COL4A6: variants seen among roughly 807,000 people sequenced by gnomAD.
The protein encoded by COL4A6 is collagen type IV alpha 6 chain, also known as collagen alpha-6(IV) chain.
Under a neutral mutation model 126.7 loss-of-function variants are expected in COL4A6, and 59 were observed. That is an observed-to-expected ratio of 0.47 (90% CI 0.38 to 0.58). The LOEUF is 0.58. COL4A6 is among the 20% of genes least tolerant of loss of function. The probability of loss-of-function intolerance (pLI) is 0.00; values close to 1 mark genes in which losing one functional copy is unlikely to be tolerated. For missense variants in COL4A6, 1,285 were observed against 1,337.3 expected, an observed-to-expected ratio of 0.96 and a Z score of 0.61; for synonymous variants, 547 against 496.6, an observed-to-expected ratio of 1.10 and a Z score of -1.35.
At chrX:108,426,027 A>T (rs2064077890) in intron 2 of COL4A6, among the ~76,000 whole-genome samples, 2 of 111,355 alleles carry the variant, frequency 1.8e-5, no homozygotes. Context: ...ATTTAGTTGC[A>T]TGCTAGGTGC....
chrX:108,365,784 G>A (rs1324242557), intron 2 of COL4A6, among the ~76,000 whole-genome samples: 1 of 111,897 alleles, frequency 8.9e-6, no homozygotes, highest in Non-Finnish European at 1.9e-5. Flanking sequence ...CAGGTGTGAG[G>A]ATCATATTTT....
chrX:108,258,759 T>A (rs1182104825), intron 3 of COL4A6, among the ~76,000 whole-genome samples: 1 of 111,909 alleles, frequency 8.9e-6, no homozygotes, highest in Non-Finnish European at 1.9e-5. Context: ...CTCCTGAGTG[T>A]CCATTTGTAG....
At chrX:108,397,768 T>C (rs778380991) in intron 2 of COL4A6, among the ~76,000 whole-genome samples, 1 of 111,851 alleles carries the variant, frequency 8.9e-6, no homozygotes, top group African/African-American at 3.2e-5. Flanking sequence ...TGCCTACACA[T>C]GTAGGTCCTT....
At position 108,330,155 on chromosome X, in the gene COL4A6, C is replaced by T. The variant is rs754388700; in HGVS notation, c.64-19327G>A. ...AGTGAAAGAGTTCCGGGAAAAAGCC[C>T]TGACGAACATCTACCTTAAAGATCT... is the stretch of plus-strand genomic sequence containing the variant. On this transcript the variant is annotated intron_variant, in intron 2 of 44. Coordinates refer to ENST00000334504, the MANE Select transcript of COL4A6 (RefSeq NM_033641.4). Among the ~76,000 whole-genome samples the T allele has an allele frequency of 2.7e-4, 30 of 110,941 alleles. No homozygotes were observed. The Admixed American group carries it at 2.9e-3, about 11-fold the overall frequency.
At chrX:108,221,173 G>A in intron 4 of COL4A6, 67 bp downstream of exon 4, 1 of 1,174,036 alleles carries the variant, frequency 8.5e-7, no homozygotes, top group Non-Finnish European at 1.2e-6. Context: ...GAACTGGGAT[G>A]GAGAACTTCT....
Position 108,176,927 on chromosome X carries a change from A to G in COL4A6, c.2600T>C (p.Leu867Pro), listed in dbSNP as rs970307330. 15 of 1,210,372 alleles carry G rather than the reference A, an allele frequency of 1.2e-5. No homozygotes were observed. In the African/African-American group the frequency reaches 2.6e-4, roughly 21 times the overall value. ...VKKGLPGLKG[L>P]PGNPGLVGLK... The stretch of plus-strand genomic sequence containing the variant: ...TCCTACTAGGCCTGGATTTCCAGGA[A>G]GGCCTTTTAGCCCTGGCAGCCCTTT... The change falls in exon 28 of 45, where the codon CTT becomes CCT. Residue 867 changes from leucine to proline, a missense_variant. Coordinates refer to ENST00000334504, the MANE Select transcript of COL4A6 (RefSeq NM_033641.4).
chrX:108,303,214 A>G (rs899235186), intron 3 of COL4A6, among the ~76,000 whole-genome samples: 3 of 111,410 alleles, frequency 2.7e-5, no homozygotes, highest in Non-Finnish European at 5.7e-5. Flanking sequence ...AGAGGGGAGA[A>G]ACTAGGTGAG....
chrX:108,428,686 TA>T (rs2064128374), intron 2 of COL4A6, among the ~76,000 whole-genome samples: 1 of 108,807 alleles, frequency 9.2e-6, no homozygotes, highest in Non-Finnish European at 1.9e-5. Context: ...AATAAAACTT[TA>T]AAAAAAAAGA....
chrX:108,420,625 A>T (rs2063967268), intron 2 of COL4A6, among the ~76,000 whole-genome samples: 2 of 111,980 alleles, frequency 1.8e-5, no homozygotes, highest in South Asian at 3.8e-4. Flanking sequence ...TCTATTATGA[A>T]TATGAACAAA....
At chrX:108,439,436 A>T, upstream of COL4A6, 1 of 602,473 alleles carries the variant, frequency 1.7e-6, no homozygotes, top group African/African-American at 2.4e-5. Context: ...CTGTTCTGTG[A>T]GCAGCTGGAA....
intron 8 of COL4A6, among the ~76,000 whole-genome samples, chrX:108,207,413 A>G (rs2035578961): frequency 9.0e-6 from 1 of 111,312 alleles, no homozygotes; most frequent in Admixed American, 9.6e-5. Context: ...TGATAGGTGC[A>G]GCAAACCACC....
intron 3 of COL4A6, among the ~76,000 whole-genome samples, chrX:108,237,228 C>T (rs746557313): frequency 6.3e-5 from 7 of 111,337 alleles, no homozygotes; most frequent in Non-Finnish European, 5.7e-5. Flanking sequence ...AGTAATTGTC[C>T]TAGGTCTGGT....
At chrX:108,240,771 T>A (rs1316199688) in intron 3 of COL4A6, among the ~76,000 whole-genome samples, 1 of 112,523 alleles carries the variant, frequency 8.9e-6, no homozygotes, top group African/African-American at 3.2e-5. Flanking sequence ...GTCACATGAC[T>A]CTCATTTAAA....
intron 2 of COL4A6, among the ~76,000 whole-genome samples, chrX:108,348,116 T>C (rs1011579292): frequency 8.9e-6 from 1 of 111,853 alleles, no homozygotes; most frequent in African/African-American, 3.2e-5. Flanking sequence ...GTGTGTACAG[T>C]GGTCTATGGA....
Position 108,277,342 on chromosome X carries a change from G to A in COL4A6, c.144+33406C>T, listed in dbSNP as rs56986804. ...ACGGCGCACCAGGAGATTATATCCC[G>A]CACATGGCTCAGAGGGTCCTACGCC... On this transcript the variant is annotated intron_variant, in intron 3 of 44. Coordinates refer to ENST00000334504, the MANE Select transcript of COL4A6 (RefSeq NM_033641.4). 5.0e-3 allele frequency among the ~76,000 whole-genome samples: 557 copies of A among 111,987 alleles called. 7 individuals carry two copies. The highest frequency in any genetic ancestry group is 0.017 in the African/African-American group (533 of 30,853).
chrX:108,221,054 C>T (rs772745442), intron 4 of COL4A6, 186 bp downstream of exon 4: 26 of 550,039 alleles, frequency 4.7e-5, no homozygotes, highest in East Asian at 7.4e-5. Flanking sequence ...GCCGAGATCA[C>T]GCCATTGTAC....
chrX:108,229,812 T>C (rs781007571), intron 3 of COL4A6, among the ~76,000 whole-genome samples: 1 of 111,332 alleles, frequency 9.0e-6, no homozygotes, highest in South Asian at 3.8e-4. Context: ...GTGGATGGAG[T>C]AGCAAGACTG....
intron 3 of COL4A6, among the ~76,000 whole-genome samples, chrX:108,307,673 C>A (rs1187530151): frequency 8.9e-6 from 1 of 112,095 alleles, no homozygotes; most frequent in African/African-American, 3.2e-5. Context: ...TTCCGTTGCC[C>A]TCCCAGCTCA....
intron 3 of COL4A6, among the ~76,000 whole-genome samples, chrX:108,229,921 T>C (rs968622597): frequency 8.9e-6 from 1 of 112,102 alleles, no homozygotes; most frequent in Non-Finnish European, 1.9e-5. Flanking sequence ...AAGACATAGT[T>C]GAGAGATATT....
Sources: allele counts gnomAD v4.1 joint callset (sites outside exome capture counted in the v4.1 genomes callset), GRCh38; gene constraint gnomAD v4.1.1; transcripts MANE v1.5; gene names NCBI Gene and HGNC (gene_info 2026-07-23, HGNC 2026-07-21).